Variants in NBEA observed in about 807,000 individuals in gnomAD.
NBEA encodes lysosomal-trafficking regulator 2.
In NBEA, 44 loss-of-function variants were observed where a neutral mutation model predicts 343.4. The observed-to-expected ratio is 0.13, with a 90% CI of 0.10 to 0.16. NBEA has a LOEUF of 0.16. Among genes scored for constraint, NBEA ranks in the 10% least tolerant of loss-of-function variants. The probability of loss-of-function intolerance (pLI) is 1.00; values close to 1 mark genes in which losing one functional copy is unlikely to be tolerated. For synonymous variants in NBEA, 1,175 were observed against 1,238.7 expected, an observed-to-expected ratio of 0.95 and a Z score of 1.08; for missense variants, 2,555 against 3,631.3, an observed-to-expected ratio of 0.70 and a Z score of 7.62.
chr13:35,351,051 T>C (rs1243608546), intron 37 of NBEA, among the ~76,000 whole-genome samples: 1 of 152,014 alleles, frequency 6.6e-6, no homozygotes, highest in Admixed American at 6.6e-5. Flanking sequence ...GGTGATTCCC[T>C]GTACAAAAAG....
At chr13:34,968,946 A>T (rs1232469581) in intron 1 of NBEA, among the ~76,000 whole-genome samples, 1 of 132,994 alleles carries the variant, frequency 7.5e-6, no homozygotes, top group African/African-American at 3.0e-5. Flanking sequence ...GAAGGACTTC[A>T]GTTAAGTCCT....
At chr13:35,043,825 A>T (rs2062746105) in intron 2 of NBEA, among the ~76,000 whole-genome samples, 1 of 152,008 alleles carries the variant, frequency 6.6e-6, no homozygotes, top group Non-Finnish European at 1.5e-5. Context: ...ATATTGAATA[A>T]TATACATTAT....
intron 48 of NBEA, among the ~76,000 whole-genome samples, chr13:35,613,242 A>T (rs7331643): frequency 0.22 from 33,793 of 150,434 alleles, 3,997 homozygotes; most frequent in Non-Finnish European, 0.24. Context: ...CATTCTACTC[A>T]CTACTTCTAT....
chr13:35,165,694 T>C (rs552546758), intron 24 of NBEA, among the ~76,000 whole-genome samples: 6 of 151,260 alleles, frequency 4.0e-5, no homozygotes, highest in Non-Finnish European at 7.4e-5. Context: ...CTTTTCTTTT[T>C]TTTTTTTTTT....
At chr13:35,049,052 A>C (rs189083125) in intron 5 of NBEA, among the ~76,000 whole-genome samples, 183 of 151,922 alleles carry the variant, frequency 1.2e-3, no homozygotes, top group Admixed American at 0.011. Flanking sequence ...CTTTTCACTT[A>C]CTTTGTTCTA....
At chr13:35,351,712 C>G (rs1594315158) in intron 37 of NBEA, among the ~76,000 whole-genome samples, 2 of 151,926 alleles carry the variant, frequency 1.3e-5, no homozygotes, top group Non-Finnish European at 1.5e-5. Flanking sequence ...TAAATGACCA[C>G]ATTTTCTTCT....
intron 36 of NBEA, among the ~76,000 whole-genome samples, chr13:35,332,993 C>A (rs1431076504): frequency 6.6e-6 from 1 of 151,982 alleles, no homozygotes; most frequent in Admixed American, 6.6e-5. Flanking sequence ...AAGCTGCCAC[C>A]AGAAGTAAAG....
In NBEA at chr13:35,107,021, T is replaced by A. The variant is rs77201229; in HGVS notation, c.1681-2269T>A. Among the ~76,000 whole-genome samples, 193 of 151,954 alleles carry A rather than the reference T, an allele frequency of 1.3e-3. 3 individuals carry two copies. In the East Asian group the frequency reaches 0.034, roughly 26 times the overall value. On this transcript the variant is annotated intron_variant, in intron 11 of 58. Transcript: ENST00000379939. ...TCTGACTGTATTCTATTTTAGAGTT[T>A]TAAGTGTAAGAGTAGAATGTATCAG...
rs574348131 is a variant in NBEA, at chr13:35,443,498, A to G, written c.6305-8594A>G. 8.1e-4 allele frequency among the ~76,000 whole-genome samples: 124 copies of G among 152,178 alleles called. 2 individuals are homozygous for G. In the South Asian group the frequency reaches 0.025, roughly 31 times the overall value. On this transcript the variant is annotated intron_variant, in intron 39 of 58. Transcript: ENST00000379939. The stretch of plus-strand genomic sequence containing the variant: ...TTAAATTGAAGTGGGAATCATGGTT[A>G]GATCCAACTCATTCAAACTAAAATA...
At chr13:34,964,694 G>A (rs755181068) in intron 1 of NBEA, among the ~76,000 whole-genome samples, 1 of 151,992 alleles carries the variant, frequency 6.6e-6, no homozygotes, top group Non-Finnish European at 1.5e-5. Context: ...ACCTATTTGT[G>A]TTTTGCTAAG....
chr13:34,943,716 C>G (rs1051861660), intron 1 of NBEA, among the ~76,000 whole-genome samples: 4 of 152,178 alleles, frequency 2.6e-5, no homozygotes, highest in Non-Finnish European at 5.9e-5. Flanking sequence ...GCAGCCGTCC[C>G]TTCTTTGTAA....
chr13:35,088,631 C>G (rs1566266682), intron 10 of NBEA, among the ~76,000 whole-genome samples: 1 of 151,738 alleles, frequency 6.6e-6, no homozygotes. Context: ...CTGGTAGGGT[C>G]TCTGAAATAC....
At position 35,614,624 on chromosome 13, in the gene NBEA, C is replaced by T. The variant is rs958472108; in HGVS notation, c.7449+8046C>T. ...TAGCCTCTACCTCAAGTTTCACTGG[C>T]CACTGCTGATTTGGAAGTTGTGTAT... is the stretch of plus-strand genomic sequence containing the variant. On this transcript the variant is annotated intron_variant, in intron 48 of 58. Coordinates refer to ENST00000379939, the MANE Select transcript of NBEA (RefSeq NM_001385012.1). Among the ~76,000 whole-genome samples, 3 of 152,300 alleles carry T rather than the reference C, an allele frequency of 2.0e-5. No homozygotes were observed. The South Asian group carries it at 6.2e-4, about 32-fold the overall frequency.
intron 10 of NBEA, among the ~76,000 whole-genome samples, chr13:35,090,543 A>G (rs955372789): frequency 6.6e-6 from 1 of 151,928 alleles, no homozygotes; most frequent in Non-Finnish European, 1.5e-5. Context: ...TTTGACAACT[A>G]TTAGGGATGT....
chr13:35,133,814 C>T (rs2067563361), intron 17 of NBEA, among the ~76,000 whole-genome samples: 1 of 151,654 alleles, frequency 6.6e-6, no homozygotes, highest in African/African-American at 2.4e-5. Flanking sequence ...GAATAAAAAA[C>T]AAAATTTATG....
intron 1 of NBEA, among the ~76,000 whole-genome samples, chr13:35,026,478 A>G (rs17774952): frequency 0.046 from 6,959 of 152,210 alleles, 238 homozygotes; most frequent in Non-Finnish European, 0.067. Flanking sequence ...TTCTGTTTTC[A>G]AATGCATGGC....
intron 41 of NBEA, among the ~76,000 whole-genome samples, chr13:35,535,474 A>T (rs1044734358): frequency 6.6e-6 from 1 of 152,158 alleles, no homozygotes; most frequent in African/African-American, 2.4e-5. Context: ...AATAAAGTAC[A>T]CTGAAAAGGA....
At chr13:35,627,026 A>G (rs1310983560) in intron 48 of NBEA, among the ~76,000 whole-genome samples, 1 of 152,196 alleles carries the variant, frequency 6.6e-6, no homozygotes, top group African/African-American at 2.4e-5. Flanking sequence ...AAAGTTGAAA[A>G]GTATTATTTA....
intron 38 of NBEA, among the ~76,000 whole-genome samples, chr13:35,367,567 C>T (rs1376098501): frequency 5.6e-5 from 8 of 142,096 alleles, no homozygotes; most frequent in Non-Finnish European, 6.3e-5. Flanking sequence ...TTTTTTTTTT[C>T]CAACTGGTGT....
Sources: gnomAD v4.1 joint callset for allele counts (sites outside exome capture counted in the v4.1 genomes callset) on GRCh38, gnomAD v4.1.1 for gene constraint, MANE v1.5 for transcripts, NCBI Gene and HGNC (gene_info 2026-07-23, HGNC 2026-07-21) for gene names.